Variants in FHIP2A observed in about 807,000 individuals in gnomAD.
FHIP2A encodes FHF complex subunit HOOK interacting protein 2A.
Under a neutral mutation model 93.5 loss-of-function variants are expected in FHIP2A, and 46 were observed. That is an observed-to-expected ratio of 0.49 (90% confidence interval 0.39 to 0.63). The LOEUF is 0.63. FHIP2A is among the 20% of genes least tolerant of loss of function. The pLI is 0.00. For missense variants in FHIP2A, 769 were observed against 909.7 expected (o/e 0.85, Z 1.99); for synonymous variants, 332 against 326.5 (o/e 1.02, Z -0.18).
chr10:114,893,984 T>C (rs991809878), intron 16 of FHIP2A, among the ~76,000 whole-genome samples: 4 of 152,182 alleles, frequency 2.6e-5, no homozygotes, highest in Admixed American at 1.3e-4. Context: ...GATTTTCATC[T>C]TATTTTTTCC....
chr10:114,844,700 C>T (rs1378360031), intron 7 of FHIP2A, among the ~76,000 whole-genome samples: 7 of 152,144 alleles, frequency 4.6e-5, no homozygotes, highest in African/African-American at 1.4e-4. Context: ...TCCATCTTTT[C>T]GTTGATGTTA....
intron 1 of FHIP2A, among the ~76,000 whole-genome samples, chr10:114,827,296 G>A (rs2083582299): frequency 6.6e-6 from 1 of 152,194 alleles, no homozygotes; most frequent in Admixed American, 6.5e-5. Flanking sequence ...TTAAAAGGCA[G>A]TGACTTCTGT....
At position 114,875,902 on chromosome 10, in the gene FHIP2A, TAAAGAAAGAGAAAGAAAG is replaced by T. The variant is rs1377615859; in HGVS notation, c.2192+14578_2192+14595del. Among the ~76,000 whole-genome samples, 10 of 34,512 alleles carry T rather than the reference TAAAGAAAGAGAAAGAAAG, an allele frequency of 2.9e-4. 1 individual carries two copies. Among genetic ancestry groups the T allele is most frequent in the Non-Finnish European group, 6.5e-4 (10 of 15,270 alleles). The allele number at this position is 34,512 out of a possible 152,430, so 22.6% of individuals were successfully genotyped here. On this transcript the variant is annotated intron_variant, in intron 16 of 16. Transcript: ENST00000369250. ...AAGAAAAGAAAGAGAGAGAAAGAAA[TAAAGAAAGAGAAAGAAAG>T]AAAGAAAGAAAGAGAAAGAAAAAGA...
intron 1 of FHIP2A, among the ~76,000 whole-genome samples, chr10:114,825,715 T>C (rs1014811181): frequency 1.3e-5 from 2 of 152,214 alleles, no homozygotes; most frequent in Non-Finnish European, 2.9e-5. Flanking sequence ...GTTCCGGGGT[T>C]AGATTGGATT....
chr10:114,869,878 A>C (rs1404457254), intron 16 of FHIP2A, among the ~76,000 whole-genome samples: 1 of 152,220 alleles, frequency 6.6e-6, no homozygotes, highest in Non-Finnish European at 1.5e-5. Flanking sequence ...CATAGCATAT[A>C]ATATAATTTA....
At chr10:114,835,681 T>G in intron 4 of FHIP2A, 40 bp downstream of exon 4, 1 of 1,162,572 alleles carries the variant, frequency 8.6e-7, no homozygotes, top group Non-Finnish European at 1.2e-6. Context: ...TTGTTTGATT[T>G]CTTTTAATGT....
rs1319852730 is a variant in FHIP2A at position 114,832,085 on chromosome 10, G to T, written c.125-1148G>T. Among the ~76,000 whole-genome samples the T allele has an allele frequency of 2.0e-5, 3 of 151,994 alleles. No individual in the cohort carries two copies. In the East Asian group the frequency reaches 5.8e-4, roughly 29 times the overall value. On this transcript the variant is annotated intron_variant, in intron 2 of 16. Transcript: ENST00000369248. ...AAATAGAGACATAAGTAAAGAATTT[G>T]GCACTTCCTAATGTATTTTGTATTT...
At chr10:114,859,767 A>G (rs1253216257) in intron 14 of FHIP2A, among the ~76,000 whole-genome samples, 1 of 152,216 alleles carries the variant, frequency 6.6e-6, no homozygotes, top group African/African-American at 2.4e-5. Flanking sequence ...TACATGTAAA[A>G]CAAGTGTGAG....
At position 114,846,383 on chromosome 10, in the gene FHIP2A, A is replaced by T; in HGVS notation, c.1398+16A>T. The T allele has an allele frequency of 6.2e-7, 1 of 1,602,576 alleles. No homozygotes were observed. The highest frequency in any genetic ancestry group is 8.5e-7 in the Non-Finnish European group (1 of 1,171,832). On this transcript the variant is annotated intron_variant, in intron 10 of 16. Coordinates refer to ENST00000369248, the MANE Select transcript of FHIP2A (RefSeq NM_020940.4). The stretch of plus-strand genomic sequence containing the variant: ...ATCTGATGAGGTAAGCTACGTAATG[A>T]TTTAGAATTGGACTTAGATTCTTTG...
intron 16 of FHIP2A, among the ~76,000 whole-genome samples, chr10:114,890,429 ATG>A (rs898407071): frequency 2.6e-4 from 39 of 149,630 alleles, no homozygotes; most frequent in East Asian, 3.9e-4. Context: ...GATTATATAT[ATG>A]TGTGTGTGTG....
At chr10:114,871,336 A>C (rs754406228) in intron 16 of FHIP2A, among the ~76,000 whole-genome samples, 5 of 151,838 alleles carry the variant, frequency 3.3e-5, no homozygotes, top group Non-Finnish European at 5.9e-5. Context: ...TATTCTTTAA[A>C]TCCTCCTAGA....
intron 2 of FHIP2A, 68 bp from the exon 3 acceptor site, chr10:114,833,165 A>T: frequency 8.3e-7 from 1 of 1,199,130 alleles, no homozygotes; most frequent in African/African-American, 1.5e-5. Context: ...GGAAATACAG[A>T]GTATTTTAGG....
At chr10:114,861,084 T>C (rs2143013222) in intron 15 of FHIP2A, 147 bp from the exon 16 acceptor site, 3 of 1,073,430 alleles carry the variant, frequency 2.8e-6, no homozygotes, top group East Asian at 5.2e-5. Context: ...GAATTAGGTA[T>C]GAGTCCTTGG....
intron 10 of FHIP2A, 41 bp from the exon 11 acceptor site, chr10:114,846,518 A>G (rs1052586478): frequency 1.3e-6 from 2 of 1,530,558 alleles, no homozygotes; most frequent in East Asian, 2.3e-5. Context: ...TAACTTATGT[A>G]AAGACATTTT....
At position 114,864,557 on chromosome 10, in the gene FHIP2A, C is replaced by G. The variant is rs2083819322; in HGVS notation, c.*3017C>G. ...AGGTTACTGACAGTGTTACCAGCGT[C>G]TGGAATTCTTGGTCCCTCCGTGGAG... On this transcript the variant is annotated 3_prime_UTR_variant, in exon 17 of 17. Coordinates refer to ENST00000369248, the MANE Select transcript of FHIP2A (RefSeq NM_020940.4). 11 of 985,790 alleles carry G rather than the reference C, an allele frequency of 1.1e-5. No homozygotes were observed. Among genetic ancestry groups the G allele is most frequent in the Non-Finnish European group, 1.3e-5 (11 of 829,928 alleles). 61.1% of individuals were successfully genotyped at this position (985,790 alleles called of 1,614,324 possible).
downstream of FHIP2A, among the ~76,000 whole-genome samples, chr10:114,867,404 T>A (rs1004679309): frequency 2.0e-5 from 3 of 152,168 alleles, no homozygotes; most frequent in African/African-American, 7.2e-5. Flanking sequence ...TGATTTATGA[T>A]CTCTTTCTAA....
At chr10:114,845,184 A>G (rs1339636516) in intron 7 of FHIP2A, among the ~76,000 whole-genome samples, 183 bp from the exon 8 acceptor site, 1 of 152,088 alleles carries the variant, frequency 6.6e-6, no homozygotes, top group African/African-American at 2.4e-5. Flanking sequence ...CTCTTATTTA[A>G]AAGATTTTCT....
chr10:114,852,904 G>C (rs1214232482), intron 13 of FHIP2A, among the ~76,000 whole-genome samples: 1 of 152,038 alleles, frequency 6.6e-6, no homozygotes, highest in African/African-American at 2.4e-5. Flanking sequence ...TGCCTACAAG[G>C]TTCTCCTCTT....
At chr10:114,889,280 A>G (rs943394893) in intron 16 of FHIP2A, among the ~76,000 whole-genome samples, 2 of 152,220 alleles carry the variant, frequency 1.3e-5, no homozygotes, top group African/African-American at 4.8e-5. Context: ...GAACTCAAAC[A>G]TTATAAAAGA....
Sources: gnomAD v4.1 joint callset for allele counts (sites outside exome capture counted in the v4.1 genomes callset) on GRCh38, gnomAD v4.1.1 for gene constraint, MANE v1.5 for transcripts, NCBI Gene and HGNC (gene_info 2026-07-23, HGNC 2026-07-21) for gene names.